RORA: variants seen among roughly 807,000 people sequenced by gnomAD.
RORA encodes nuclear receptor ROR-alpha.
A neutral mutation model predicts 69.5 loss-of-function variants in RORA; 7 were observed. The ratio of observed to expected loss-of-function variants is 0.10; its 90% confidence interval spans 0.06 to 0.19. The LOEUF (loss-of-function observed/expected upper bound fraction) is 0.19. RORA is among the 10% of genes least tolerant of loss of function. The pLI is 1.00. For missense variants in RORA, 457 were observed against 663.0 expected (o/e 0.69, Z 3.41); for synonymous variants, 261 against 240.8 (o/e 1.08, Z -0.78).
chr15:60,697,388 G>A (rs1055022798), intron 1 of RORA, among the ~76,000 whole-genome samples: 3 of 152,084 alleles, frequency 2.0e-5, no homozygotes, highest in African/African-American at 4.8e-5. Context: ...CCACACTGCC[G>A]CTCAAGTGAA....
intron 1 of RORA, among the ~76,000 whole-genome samples, chr15:60,860,717 G>A (rs1233067224): frequency 6.6e-6 from 1 of 152,208 alleles, no homozygotes; most frequent in African/African-American, 2.4e-5. Context: ...TATCATGTAA[G>A]TACAACATTC....
rs559521905 is a variant in RORA at position 60,979,621 on chromosome 15, G to A, written c.166+249432C>T. ...AGTGGCATCACTTTCTTAATTTCATGTTTGGATTTTTCATTGTAAGTGTAT... is the reference window on the plus strand; with the variant it reads ...AGTGGCATCACTTTCTTAATTTCATATTTGGATTTTTCATTGTAAGTGTAT... On this transcript the variant is annotated intron_variant, in intron 1 of 10. Coordinates refer to ENST00000335670, the MANE Select transcript of RORA (RefSeq NM_134261.3). Among the ~76,000 whole-genome samples, 8 of 152,032 alleles carry A rather than the reference G, an allele frequency of 5.3e-5. No homozygotes were observed. The South Asian group carries it at 1.5e-3, about 28-fold the overall frequency.
intron 1 of RORA, among the ~76,000 whole-genome samples, chr15:61,155,412 A>AC (rs1443003779): frequency 6.6e-6 from 1 of 152,214 alleles, no homozygotes; most frequent in Non-Finnish European, 1.5e-5. Context: ...AAATCTTGAA[A>AC]CTAGCCAAAT....
chr15:61,136,855 A>T (rs148937036), intron 1 of RORA, among the ~76,000 whole-genome samples: 1 of 152,224 alleles, frequency 6.6e-6, no homozygotes, highest in African/African-American at 2.4e-5. Flanking sequence ...AAGGCTCATG[A>T]ATATCACCTT....
intron 1 of RORA, among the ~76,000 whole-genome samples, chr15:61,024,270 C>T (rs369756444): frequency 2.1e-4 from 17 of 79,408 alleles, no homozygotes; most frequent in Admixed American, 3.7e-4. Context: ...TCTTGGATCT[C>T]TTTTTTTTTT....
chr15:61,054,369 T>A (rs1381125401), intron 1 of RORA, among the ~76,000 whole-genome samples: 6 of 152,012 alleles, frequency 3.9e-5, no homozygotes, highest in Admixed American at 3.9e-4. Flanking sequence ...TCTTCATTAG[T>A]TAGCACAGCT....
rs965963906 is a variant in RORA, at chr15:60,497,324, G to A, written c.*131C>T. ...TGTTTCCCCTCCTTTGCCTGACCCC[G>A]ATCACCAAAAGATGTGCAGTGTGTG... On this transcript the variant is annotated 3_prime_UTR_variant, in exon 11 of 11. Coordinates refer to ENST00000335670, the MANE Select transcript of RORA (RefSeq NM_134261.3). 2.5e-5 allele frequency: 17 copies of A among 674,046 alleles called. No individual in the cohort carries two copies. Among genetic ancestry groups the A allele is most frequent in the African/African-American group, 1.5e-4 (8 of 54,988 alleles). The allele number at this position is 674,046 out of a possible 1,614,324, so 41.8% of individuals were successfully genotyped here. A position where few individuals can be genotyped will look rare whatever the true frequency, so the allele number is the denominator to read the frequency against.
intron 1 of RORA, among the ~76,000 whole-genome samples, chr15:61,200,801 T>G (rs1214686864): frequency 6.6e-6 from 1 of 152,174 alleles, no homozygotes; most frequent in Admixed American, 6.5e-5. Context: ...CAAGGTAGAT[T>G]CACTCTGAAC....
At chr15:60,668,888 G>A (rs1375029410) in intron 2 of RORA, among the ~76,000 whole-genome samples, 1 of 152,196 alleles carries the variant, frequency 6.6e-6, no homozygotes, top group Non-Finnish European at 1.5e-5. Context: ...AGGATGCTTA[G>A]TTGTCCTCTT....
chr15:60,625,444 T>C (rs2069550474), intron 2 of RORA, among the ~76,000 whole-genome samples: 1 of 152,246 alleles, frequency 6.6e-6, no homozygotes, highest in Admixed American at 6.5e-5. Flanking sequence ...TGTCCTACTA[T>C]TCCGCATCTA....
intron 2 of RORA, among the ~76,000 whole-genome samples, chr15:60,559,175 A>G (rs1276982115): frequency 2.0e-5 from 3 of 152,204 alleles, no homozygotes; most frequent in East Asian, 1.9e-4. Context: ...TTAGACACTT[A>G]TGAAAAAAGT....
At chr15:61,064,098 A>G (rs1157306186) in intron 1 of RORA, among the ~76,000 whole-genome samples, 1 of 152,222 alleles carries the variant, frequency 6.6e-6, no homozygotes, top group Non-Finnish European at 1.5e-5. Context: ...AAGTCAACAC[A>G]GTACATTTTA....
In RORA at chr15:61,087,660, A is replaced by T. The variant is rs114044537; in HGVS notation, c.166+141393T>A. On this transcript the variant is annotated intron_variant, in intron 1 of 10. Coordinates refer to ENST00000335670, the MANE Select transcript of RORA (RefSeq NM_134261.3). Reference sequence around the variant, plus strand: ...CCATAAGTCTGCAGTTGGCAGATAAAATGCCATCTCAGATAATCACATTCA... The same window carrying T: ...CCATAAGTCTGCAGTTGGCAGATAATATGCCATCTCAGATAATCACATTCA... 3.3e-3 allele frequency among the ~76,000 whole-genome samples: 509 copies of T among 152,350 alleles called. 4 individuals are homozygous for T. Among genetic ancestry groups the T allele is most frequent in the African/African-American group, 0.012 (486 of 41,596 alleles).
intron 1 of RORA, among the ~76,000 whole-genome samples, chr15:60,954,252 T>C (rs1893198042): frequency 7.9e-6 from 1 of 126,366 alleles, no homozygotes; most frequent in African/African-American, 3.1e-5. Flanking sequence ...TGAGATCACA[T>C]GGACACAGGA....
intron 1 of RORA, among the ~76,000 whole-genome samples, chr15:61,123,943 A>G (rs573140499): frequency 6.6e-6 from 1 of 152,208 alleles, no homozygotes; most frequent in African/African-American, 2.4e-5. Context: ...AATTCACTTC[A>G]GCCTGCTGCA....
intron 1 of RORA, among the ~76,000 whole-genome samples, chr15:61,094,511 C>A (rs1003428360): frequency 6.6e-6 from 1 of 152,216 alleles, no homozygotes; most frequent in African/African-American, 2.4e-5. Context: ...GAATATAGAA[C>A]ACACCATGGG....
At chr15:60,570,542 G>C (rs1186116187) in intron 2 of RORA, among the ~76,000 whole-genome samples, 1 of 152,028 alleles carries the variant, frequency 6.6e-6, no homozygotes, top group African/African-American at 2.4e-5. Context: ...TAGAGACAGT[G>C]TTTCACCATG....
chr15:60,536,829 G>A (rs2066695109), intron 2 of RORA, among the ~76,000 whole-genome samples: 1 of 152,008 alleles, frequency 6.6e-6, no homozygotes, highest in African/African-American at 2.4e-5. Flanking sequence ...AAAAACTAGT[G>A]CTTTAAAAAG....
At chr15:60,874,302 A>G (rs900264160) in intron 1 of RORA, among the ~76,000 whole-genome samples, 1 of 152,126 alleles carries the variant, frequency 6.6e-6, no homozygotes, top group Non-Finnish European at 1.5e-5. Flanking sequence ...ATTTTTTTCA[A>G]AAATATGCAT....
Sources: gnomAD v4.1 joint callset for allele counts (sites outside exome capture counted in the v4.1 genomes callset) on GRCh38, gnomAD v4.1.1 for gene constraint, MANE v1.5 for transcripts, NCBI Gene and HGNC (gene_info 2026-07-23, HGNC 2026-07-21) for gene names.